Variants in OSBPL3 observed in about 807,000 individuals in gnomAD.
OSBPL3 encodes oxysterol-binding protein-related protein 3.
In OSBPL3, 65 loss-of-function variants were observed where a neutral mutation model predicts 120.1. The ratio of observed to expected loss-of-function variants is 0.54; its 90% CI spans 0.44 to 0.67. The LOEUF is 0.67. Ranked by LOEUF, OSBPL3 falls within the 30% of genes least tolerant of loss-of-function variation. OSBPL3 has a pLI of 0.00. For missense variants in OSBPL3, 1,004 were observed against 1,082.1 expected, an observed-to-expected ratio of 0.93 and a Z score of 1.01; for synonymous variants, 416 against 402.6, an observed-to-expected ratio of 1.03 and a Z score of -0.40.
At chr7:24,973,007 G>A (rs1047074374) in intron 1 of OSBPL3, among the ~76,000 whole-genome samples, 1 of 152,024 alleles carries the variant, frequency 6.6e-6, no homozygotes, top group African/African-American at 2.4e-5. Flanking sequence ...TAAAAATAAA[G>A]ATTTTAGTAT....
Position 24,923,499 on chromosome 7 carries a change from G to A in OSBPL3, c.-149-30878C>T, listed in dbSNP as rs188649347. Among the ~76,000 whole-genome samples, 371 of 152,308 alleles carry A rather than the reference G, an allele frequency of 2.4e-3. 3 individuals carry two copies. Among genetic ancestry groups the A allele is most frequent in the Middle Eastern group, 6.8e-3 (2 of 294 alleles). ...ACCACTGAACTCAGTAGATGGGTAG[G>A]ACTGCCAGGGCAGCTATTTTTAACC... On this transcript the variant is annotated intron_variant, in intron 1 of 22. Coordinates refer to ENST00000313367, the MANE Select transcript of OSBPL3 (RefSeq NM_015550.4).
intron 1 of OSBPL3, among the ~76,000 whole-genome samples, chr7:24,944,975 C>T (rs1813542393): frequency 1.3e-5 from 2 of 152,104 alleles, no homozygotes; most frequent in Non-Finnish European, 1.5e-5. Context: ...GATTTTTCCT[C>T]GTATTTGAGA....
intron 5 of OSBPL3, among the ~76,000 whole-genome samples, chr7:24,870,498 G>A (rs1801949501): frequency 6.6e-6 from 1 of 152,172 alleles, no homozygotes; most frequent in African/African-American, 2.4e-5. Flanking sequence ...ACAGTCACTG[G>A]GGGCAGGTTC....
intron 2 of OSBPL3, among the ~76,000 whole-genome samples, chr7:24,889,825 T>G (rs1444544321): frequency 6.6e-6 from 1 of 152,100 alleles, no homozygotes; most frequent in Non-Finnish European, 1.5e-5. Flanking sequence ...GAAAGAGAGC[T>G]TTAAAGATCT....
intron 1 of OSBPL3, among the ~76,000 whole-genome samples, chr7:24,970,399 C>G (rs892529002): frequency 2.6e-5 from 4 of 152,218 alleles, no homozygotes; most frequent in African/African-American, 9.6e-5. Context: ...AGCCATCGCA[C>G]TCAGCCCCTT....
chr7:24,801,433 G>A (rs1421499530), intron 22 of OSBPL3, among the ~76,000 whole-genome samples: 1 of 152,134 alleles, frequency 6.6e-6, no homozygotes, highest in Non-Finnish European at 1.5e-5. Flanking sequence ...CAGAGGTAGT[G>A]ATGTTATCAG....
At chr7:24,847,931 C>T (rs1311778357) in intron 12 of OSBPL3, among the ~76,000 whole-genome samples, 1 of 152,208 alleles carries the variant, frequency 6.6e-6, no homozygotes, top group Admixed American at 6.5e-5. Context: ...TGAAAAGTGA[C>T]CTCTTGTGGG....
intron 16 of OSBPL3, among the ~76,000 whole-genome samples, chr7:24,823,530 A>G (rs1795359073): frequency 6.6e-6 from 1 of 152,142 alleles, no homozygotes; most frequent in Non-Finnish European, 1.5e-5. Flanking sequence ...AACCTATGTC[A>G]TCCTCTTCCA....
At position 24,937,691 on chromosome 7, in the gene OSBPL3, T is replaced by C. The variant is rs942316452; in HGVS notation, c.-150+42195A>G. On this transcript the variant is annotated intron_variant, in intron 1 of 22. Coordinates refer to ENST00000313367, the MANE Select transcript of OSBPL3 (RefSeq NM_015550.4). This position sits in a 1 kb window ranked among gnomAD's most constrained non-coding sequence, Gnocchi z 4.0. ...TTATGGTGCTATCAGGCATAAAACATGAAACACCTTAAACCTAACTAATTA... is the reference window on the plus strand; with the variant it reads ...TTATGGTGCTATCAGGCATAAAACACGAAACACCTTAAACCTAACTAATTA... Among the ~76,000 whole-genome samples, 1 of 152,186 alleles carries C rather than the reference T, an allele frequency of 6.6e-6. No homozygotes were observed. The highest frequency in any genetic ancestry group is 2.4e-5 in the African/African-American group (1 of 41,454).
rs76635739 is a variant in OSBPL3 at position 24,849,421 on chromosome 7, G to A, written c.1159-245C>T. On this transcript the variant is annotated intron_variant, in intron 11 of 22. Coordinates refer to ENST00000313367, the MANE Select transcript of OSBPL3 (RefSeq NM_015550.4). The surrounding 1 kb of genome is among the most constrained non-coding windows in gnomAD (Gnocchi z 5.4). ...TTTTTCTTTTCTCATTCCAGACATG[G>A]AGGGAGGGTTGGTAAGTGCAACAGA... 15,171 of 295,722 alleles carry A rather than the reference G, an allele frequency of 0.051. 625 individuals carry two copies. Among genetic ancestry groups the A allele is most frequent in the Non-Finnish European group, 0.057 (8,779 of 155,030 alleles). 18.3% of individuals were successfully genotyped at this position (295,722 alleles called of 1,614,324 possible).
rs898528993 is a variant in OSBPL3 at position 24,831,608 on chromosome 7, G to A, written c.1747-703C>T. ...GTCTTGGCGTCTTTAGCAATTCCCC[G>A]TCAGGGCATCAGGGAGGCACATTAC... On this transcript the variant is annotated intron_variant, in intron 15 of 22. Transcript: ENST00000313367. The surrounding 1 kb of genome is among the most constrained non-coding windows in gnomAD (Gnocchi z 4.0). Among the ~76,000 whole-genome samples, 4 of 152,186 alleles carry A rather than the reference G, an allele frequency of 2.6e-5. No homozygotes were observed. The highest frequency in any genetic ancestry group is 6.5e-5 in the Admixed American group (1 of 15,274).
intron 1 of OSBPL3, among the ~76,000 whole-genome samples, chr7:24,902,377 CTTA>C (rs1159694708): frequency 6.6e-6 from 1 of 152,118 alleles, no homozygotes; most frequent in Non-Finnish European, 1.5e-5. Context: ...CTGCAACTGG[CTTA>C]TTTTCACTGA....
At chr7:24,870,519 G>T (rs148753127) in intron 5 of OSBPL3, among the ~76,000 whole-genome samples, 1 of 152,192 alleles carries the variant, frequency 6.6e-6, no homozygotes, top group East Asian at 1.9e-4. Flanking sequence ...GTATCTAGGG[G>T]ATGAGGCGAC....
Position 24,894,224 on chromosome 7 carries a change from G to A in OSBPL3, c.-149-1603C>T, listed in dbSNP as rs900593557. Among the ~76,000 whole-genome samples the A allele has an allele frequency of 2.6e-5, 4 of 152,066 alleles. No individual in the cohort carries two copies. Among genetic ancestry groups the A allele is most frequent in the African/African-American group, 9.7e-5 (4 of 41,394 alleles). ...CAATGAAAAGAAATACAAAATCTCA[G>A]AAAATGAAATTAAGGTGCCCAGAGC... On this transcript the variant is annotated intron_variant, in intron 1 of 22. Coordinates refer to ENST00000313367, the MANE Select transcript of OSBPL3 (RefSeq NM_015550.4). The surrounding 1 kb of genome is among the most constrained non-coding windows in gnomAD (Gnocchi z 4.1).
Position 24,828,633 on chromosome 7 carries a change from A to AG in OSBPL3, c.1884+2134_1884+2135insC, listed in dbSNP as rs1227888109. On this transcript the variant is annotated intron_variant, in intron 16 of 22. Coordinates refer to ENST00000313367, the MANE Select transcript of OSBPL3 (RefSeq NM_015550.4). ...AAAAAAAAAAAAAAGAAAAAAAAAA[A>AG]AAAGGCATCGTAGAAGTTCCCACTA... Among the ~76,000 whole-genome samples the AG allele has an allele frequency of 3.1e-4, 42 of 134,702 alleles. 1 individual carries two copies. The highest frequency in any genetic ancestry group is 3.6e-4 in the African/African-American group (14 of 38,486). 88.4% of individuals were successfully genotyped at this position (134,702 alleles called of 152,430 possible).
Position 24,854,468 on chromosome 7 carries a change from T to G in OSBPL3, c.1028-1834A>C, listed in dbSNP as rs1562830816. Among the ~76,000 whole-genome samples, 1 of 149,658 alleles carries G rather than the reference T, an allele frequency of 6.7e-6. No homozygotes were observed. The highest frequency in any genetic ancestry group is 2.5e-5 in the African/African-American group (1 of 40,394). On this transcript the variant is annotated intron_variant, in intron 10 of 22. Transcript: ENST00000313367. The surrounding 1 kb of genome is among the most constrained non-coding windows in gnomAD (Gnocchi z 4.1). ...ATTTAGTGATGGACCTGAAACATCT[T>G]AACAAAGTCACAACAATTTGTACAC...
intron 20 of OSBPL3, among the ~76,000 whole-genome samples, chr7:24,809,079 C>CA (rs766120298): frequency 5.3e-5 from 8 of 152,138 alleles, no homozygotes; most frequent in Non-Finnish European, 7.4e-5. Flanking sequence ...CCACCCCCCC[C>CA]ACTCACTTAC....
chr7:24,812,941 C>G (rs1338856510), intron 19 of OSBPL3, among the ~76,000 whole-genome samples: 1 of 152,178 alleles, frequency 6.6e-6, no homozygotes, highest in African/African-American at 2.4e-5. Context: ...TGCAGTGGTG[C>G]AATCATAGCT....
At position 24,821,441 on chromosome 7, in the gene OSBPL3, G is replaced by A. The variant is rs1795129946; in HGVS notation, c.1885-1203C>T. ...TTGAGATAAACAGGTGGGGAGGAAG[G>A]GAGGGCAGTGGGTGACAAATCCACA... is the stretch of plus-strand genomic sequence containing the variant. On this transcript the variant is annotated intron_variant, in intron 16 of 22. Transcript: ENST00000313367. The surrounding 1 kb of genome is among the most constrained non-coding windows in gnomAD (Gnocchi z 5.5). Among the ~76,000 whole-genome samples the A allele has an allele frequency of 6.6e-6, 1 of 152,184 alleles. No homozygotes were observed. The highest frequency in any genetic ancestry group is 2.1e-4 in the South Asian group (1 of 4,818).
Sources: gnomAD v4.1 joint callset for allele counts (sites outside exome capture counted in the v4.1 genomes callset) on GRCh38, gnomAD v4.1.1 for gene constraint, Gnocchi (gnomAD v3.1) non-coding constraint, MANE v1.5 for transcripts, NCBI Gene and HGNC (gene_info 2026-07-23, HGNC 2026-07-21) for gene names.